PRDM16: variants seen among roughly 807,000 people sequenced by gnomAD.
PRDM16 encodes histone-lysine N-methyltransferase PRDM16.
In PRDM16, 23 loss-of-function variants were observed where a neutral mutation model predicts 110.6. That is an observed-to-expected ratio of 0.21 (90% CI 0.15 to 0.29). The LOEUF (loss-of-function observed/expected upper bound fraction) is 0.29. PRDM16 is among the 10% of genes least tolerant of loss of function. The pLI, the probability that PRDM16 is intolerant of heterozygous loss-of-function variation, is 1.00. For synonymous variants in PRDM16, 799 were observed against 781.8 expected (o/e 1.02, Z -0.37); for missense variants, 1,615 against 1,794.3 (o/e 0.90, Z 1.81).
intron 2 of PRDM16, among the ~76,000 whole-genome samples, chr1:3,224,661 A>G (rs1418489635): frequency 6.6e-6 from 1 of 152,226 alleles, no homozygotes; most frequent in Non-Finnish European, 1.5e-5. Flanking sequence ...GGCCACCTGC[A>G]TTAGGCGGCC....
In PRDM16 at chr1:3,245,813, C is replaced by A. The variant is rs1208966865; in HGVS notation, c.438+1676C>A. Among the ~76,000 whole-genome samples the A allele has an allele frequency of 6.6e-6, 1 of 152,194 alleles. No homozygotes were observed. The highest frequency in any genetic ancestry group is 2.4e-5 in the African/African-American group (1 of 41,440). Reference sequence around the variant, plus strand: ...TCCGAGAACTGCAGTATTTTCACTTCCCACAAAAAGTGACCTGCAGTTAGT... The same window carrying A: ...TCCGAGAACTGCAGTATTTTCACTTACCACAAAAAGTGACCTGCAGTTAGT... On this transcript the variant is annotated intron_variant, in intron 3 of 16. Transcript: ENST00000270722. This position sits in a 1 kb window ranked among gnomAD's most constrained non-coding sequence, Gnocchi z 4.7.
At position 3,255,974 on chromosome 1, in the gene PRDM16, CA is replaced by C. The variant is rs1265924593; in HGVS notation, c.438+11838del. Among the ~76,000 whole-genome samples the C allele has an allele frequency of 6.6e-6, 1 of 152,070 alleles. No homozygotes were observed. Among genetic ancestry groups the C allele is most frequent in the Admixed American group, 6.5e-5 (1 of 15,272 alleles). The stretch of plus-strand genomic sequence containing the variant: ...ACAGGGTGGAACGAGCTCCGCCTCT[CA>C]GGGGAGGGACAGGATTACGTGGCAG... On this transcript the variant is annotated intron_variant, in intron 3 of 16. Coordinates refer to ENST00000270722, the MANE Select transcript of PRDM16 (RefSeq NM_022114.4). The surrounding 1 kb of genome is among the most constrained non-coding windows in gnomAD (Gnocchi z 4.7).
intron 3 of PRDM16, among the ~76,000 whole-genome samples, chr1:3,369,537 G>A (rs1325944035): frequency 1.3e-5 from 2 of 152,376 alleles, no homozygotes. Context: ...GGTATGAGGA[G>A]AAAGGATGGG....
chr1:3,333,974 C>G (rs1055911191), intron 3 of PRDM16, among the ~76,000 whole-genome samples: 2 of 152,144 alleles, frequency 1.3e-5, no homozygotes, highest in Non-Finnish European at 1.5e-5. Flanking sequence ...CCTGCAGGAC[C>G]ACGAGCCAAT....
intron 2 of PRDM16, among the ~76,000 whole-genome samples, chr1:3,192,059 C>T (rs1226233031): frequency 2.0e-5 from 3 of 152,198 alleles, no homozygotes; most frequent in African/African-American, 7.2e-5. Context: ...CACCCTTTCC[C>T]ACACACAAAC....
chr1:3,298,325 C>T (rs1641133721), intron 3 of PRDM16, among the ~76,000 whole-genome samples: 1 of 152,214 alleles, frequency 6.6e-6, no homozygotes, highest in Non-Finnish European at 1.5e-5. Context: ...CTGTCTGCCT[C>T]CTTGAAGGCC....
At chr1:3,152,606 G>A (rs1306343633) in intron 1 of PRDM16, among the ~76,000 whole-genome samples, 2 of 152,228 alleles carry the variant, frequency 1.3e-5, no homozygotes, top group Non-Finnish European at 2.9e-5. Flanking sequence ...ATGGCAGGGA[G>A]CATGTTGCTC....
At chr1:3,318,858 A>G (rs1337080896) in intron 3 of PRDM16, among the ~76,000 whole-genome samples, 3 of 152,248 alleles carry the variant, frequency 2.0e-5, no homozygotes, top group African/African-American at 7.2e-5. Flanking sequence ...AAAAACGCCA[A>G]AGGAGTTGAG....
chr1:3,395,188 A>G (rs1435246432), intron 4 of PRDM16, among the ~76,000 whole-genome samples: 3 of 151,230 alleles, frequency 2.0e-5, no homozygotes, highest in African/African-American at 7.3e-5. Flanking sequence ...TGTGGGGGAC[A>G]TGGGGGAGGA....
intron 1 of PRDM16, among the ~76,000 whole-genome samples, chr1:3,114,481 C>T (rs772760488): frequency 1.3e-4 from 20 of 148,174 alleles, no homozygotes; most frequent in Non-Finnish European, 2.4e-4. Context: ...TGTAAACAGA[C>T]ACGCACGCAC....
At chr1:3,137,824 G>A (rs532343919) in intron 1 of PRDM16, among the ~76,000 whole-genome samples, 3 of 152,366 alleles carry the variant, frequency 2.0e-5, no homozygotes, top group Admixed American at 6.5e-5. Flanking sequence ...CTGGGACCTC[G>A]CTTGTCCGGA....
At chr1:3,281,937 C>T (rs1166158760) in intron 3 of PRDM16, among the ~76,000 whole-genome samples, 2 of 152,166 alleles carry the variant, frequency 1.3e-5, no homozygotes, top group Admixed American at 6.5e-5. Flanking sequence ...CCAAGGTGGG[C>T]GCCCGCAGCC....
In PRDM16 at chr1:3,438,507, G is replaced by A. The variant is rs1400152753; in HGVS notation, c.*4696G>A. 4.8e-6 allele frequency: 1 copy of A among 206,746 alleles called. No individual in the cohort carries two copies. The highest frequency in any genetic ancestry group is 6.0e-5 in the Admixed American group (1 of 16,770). The allele number at this position is 206,746 out of a possible 1,614,324, so 12.8% of individuals were successfully genotyped here. ...TTCCTTAAGAGAAAGCCTAGGAGAA[G>A]CCGATTTGGAGGTTAATGCTGTAGA... On this transcript the variant is annotated 3_prime_UTR_variant, in exon 17 of 17. Transcript: ENST00000270722.
In PRDM16 at chr1:3,181,678, GCAGTCTTACACA is replaced by G. The variant is rs1312623331; in HGVS notation, c.38-4445_38-4434del. Among the ~76,000 whole-genome samples, 22 of 113,974 alleles carry G rather than the reference GCAGTCTTACACA, an allele frequency of 1.9e-4. No homozygotes were observed. In the South Asian group the frequency reaches 4.5e-3, roughly 23 times the overall value. 74.8% of individuals were successfully genotyped at this position (113,974 alleles called of 152,430 possible). On this transcript the variant is annotated intron_variant, in intron 1 of 16. Coordinates refer to ENST00000270722, the MANE Select transcript of PRDM16 (RefSeq NM_022114.4). Reference sequence around the variant, plus strand: ...CACGGTCTTACACAGTCTTACACGCGCAGTCTTACACACGGTCTTACACACGGTCTTACACAC... The same window carrying G: ...CACGGTCTTACACAGTCTTACACGCGCGGTCTTACACACGGTCTTACACAC...
intron 1 of PRDM16, among the ~76,000 whole-genome samples, chr1:3,079,276 C>T (rs532745439): frequency 6.6e-6 from 1 of 152,336 alleles, no homozygotes; most frequent in East Asian, 1.9e-4. Context: ...GAGCCCCTTC[C>T]AGCCTCACAT....
intron 3 of PRDM16, among the ~76,000 whole-genome samples, chr1:3,247,769 C>G (rs1639822843): frequency 6.6e-6 from 1 of 152,248 alleles, no homozygotes; most frequent in Non-Finnish European, 1.5e-5. Context: ...CCTGGTGCGC[C>G]CTGGGCGCGC....
intron 8 of PRDM16, among the ~76,000 whole-genome samples, chr1:3,407,183 T>G (rs1643576748): frequency 6.6e-6 from 1 of 152,174 alleles, no homozygotes; most frequent in Non-Finnish European, 1.5e-5. Context: ...CACTGACCAC[T>G]TGCACAAGAG....
At chr1:3,189,557 G>A (rs1199043194) in intron 2 of PRDM16, among the ~76,000 whole-genome samples, 1 of 152,248 alleles carries the variant, frequency 6.6e-6, no homozygotes, top group Non-Finnish European at 1.5e-5. Flanking sequence ...TTTCACACTG[G>A]TAATTAAGTG....
intron 1 of PRDM16, among the ~76,000 whole-genome samples, chr1:3,074,743 G>A (rs1641858236): frequency 6.6e-6 from 1 of 152,230 alleles, no homozygotes; most frequent in African/African-American, 2.4e-5. Context: ...CCCGGGAGGT[G>A]TAGGACCTGC....
Sources: gnomAD v4.1 joint callset for allele counts (sites outside exome capture counted in the v4.1 genomes callset) on GRCh38, gnomAD v4.1.1 for gene constraint, Gnocchi (gnomAD v3.1) non-coding constraint, MANE v1.5 for transcripts, NCBI Gene and HGNC (gene_info 2026-07-23, HGNC 2026-07-21) for gene names.